Variants in OLFM3 observed in about 807,000 individuals in gnomAD.
OLFM3 encodes the protein noelin-3.
Under a neutral mutation model 48.6 loss-of-function variants are expected in OLFM3, and 20 were observed. The observed-to-expected ratio is 0.41, with a 90% CI of 0.29 to 0.60. The LOEUF is 0.60. OLFM3 is among the 20% of genes least tolerant of loss of function. The pLI is 0.28. For missense variants in OLFM3, 437 were observed against 544.3 expected (o/e 0.80, Z 1.96); for synonymous variants, 222 against 198.1 (o/e 1.12, Z -1.01).
At chr1:101,828,062 C>CTG (rs1243542980) in intron 3 of OLFM3, among the ~76,000 whole-genome samples, 2 of 121,876 alleles carry the variant, frequency 1.6e-5, no homozygotes, top group African/African-American at 3.0e-5. Flanking sequence ...CTCTCTCTCT[C>CTG]TCTGTCTCTC....
intron 1 of OLFM3, among the ~76,000 whole-genome samples, chr1:101,840,124 G>A (rs1053658675): frequency 1.3e-5 from 2 of 152,012 alleles, no homozygotes; most frequent in African/African-American, 4.8e-5. Flanking sequence ...CTAAGATCTC[G>A]GATGGAAGGA....
chr1:101,890,295 A>C (rs1039089877), intron 1 of OLFM3, among the ~76,000 whole-genome samples: 2 of 152,024 alleles, frequency 1.3e-5, no homozygotes, highest in Non-Finnish European at 2.9e-5. Context: ...GAAAAAAGGA[A>C]GATAATCTTT....
intron 3 of OLFM3, 33 bp from the exon 4 acceptor site, chr1:101,825,278 A>G: frequency 1.3e-6 from 2 of 1,533,964 alleles, no homozygotes; most frequent in Non-Finnish European, 1.8e-6. Flanking sequence ...CCTGAGAGTC[A>G]TTTAAAACAG....
At chr1:101,946,267 T>A (rs1322964402) in intron 1 of OLFM3, among the ~76,000 whole-genome samples, 1 of 152,222 alleles carries the variant, frequency 6.6e-6, no homozygotes, top group East Asian at 1.9e-4. Context: ...TCTGCAAATG[T>A]GAATATGTTA....
intron 1 of OLFM3, among the ~76,000 whole-genome samples, chr1:101,895,614 C>T (rs899227392): frequency 6.6e-6 from 1 of 151,982 alleles, no homozygotes; most frequent in Non-Finnish European, 1.5e-5. Context: ...ACCTTTGATC[C>T]ATGTCAAGAT....
intron 1 of OLFM3, among the ~76,000 whole-genome samples, chr1:101,964,151 A>G (rs1557748979): frequency 1.3e-5 from 2 of 152,182 alleles, no homozygotes; most frequent in Admixed American, 6.6e-5. Context: ...GTCTTGAAGC[A>G]GATTGTAGGT....
chr1:101,802,591 T>C lies in OLFM3; in HGVS notation c.*1647A>G, dbSNP rs981212456. The C allele has an allele frequency of 4.0e-5, 6 of 151,698 alleles. No homozygotes were observed. The South Asian group carries it at 6.2e-4, about 16-fold the overall frequency. 9.4% of individuals were successfully genotyped at this position (151,698 alleles called of 1,614,324 possible). A position where few individuals can be genotyped will look rare whatever the true frequency, so the allele number is the denominator to read the frequency against. On this transcript the variant is annotated 3_prime_UTR_variant, in exon 6 of 6. Transcript: ENST00000370103. ...CTTGACAGTTTCAAGATTGGGTTATTTAATTCTACAATTTTGACAGTGAGA... is the reference window on the plus strand; with the variant it reads ...CTTGACAGTTTCAAGATTGGGTTATCTAATTCTACAATTTTGACAGTGAGA...
chr1:101,885,068 C>T (rs1025482456), intron 1 of OLFM3, among the ~76,000 whole-genome samples: 15 of 151,922 alleles, frequency 9.9e-5, no homozygotes, highest in African/African-American at 3.6e-4. Flanking sequence ...ATGAAAGCCA[C>T]GGAAGCCATC....
intron 4 of OLFM3, among the ~76,000 whole-genome samples, chr1:101,809,277 A>G (rs1372059456): frequency 2.0e-5 from 3 of 151,842 alleles, no homozygotes; most frequent in African/African-American, 4.8e-5. Flanking sequence ...CTAAAAAACT[A>G]CTGTGAAATG....
intron 1 of OLFM3, among the ~76,000 whole-genome samples, chr1:101,907,025 TA>T (rs1658576548): frequency 1.3e-5 from 2 of 152,334 alleles, no homozygotes; most frequent in Non-Finnish European, 2.9e-5. Context: ...TTAAAATGTT[TA>T]ATTTTCTAAC....
intron 1 of OLFM3, among the ~76,000 whole-genome samples, chr1:101,932,194 C>A (rs1417964083): frequency 6.6e-6 from 1 of 152,050 alleles, no homozygotes; most frequent in Non-Finnish European, 1.5e-5. Flanking sequence ...CTTTAGTGTT[C>A]CCAAGAACTT....
chr1:101,842,744 C>T (rs1193554943), intron 1 of OLFM3, among the ~76,000 whole-genome samples: 1 of 152,186 alleles, frequency 6.6e-6, no homozygotes, highest in Non-Finnish European at 1.5e-5. Flanking sequence ...AGGCAGCCCC[C>T]TCCACTGAAG....
In OLFM3 at chr1:101,804,699, G is replaced by A. The variant is rs750186784; in HGVS notation, c.916C>T (p.Arg306Ter). 9.9e-6 allele frequency: 16 copies of A among 1,612,442 alleles called. No homozygotes were observed. Among genetic ancestry groups the A allele is most frequent in the Non-Finnish European group, 1.3e-5 (15 of 1,179,132 alleles). ...SFDMGRVLAQ[R>*]SLEYAGFHNV... Reference sequence around the variant, plus strand: ...TGAAAACCAGCATACTCCAGGCTTCGTTGGGCAAGCACTCTCCCCATATCA... The same window carrying A: ...TGAAAACCAGCATACTCCAGGCTTCATTGGGCAAGCACTCTCCCCATATCA... Residue 306 changes from arginine (R) to a stop codon, truncating the protein, a stop_gained, in exon 6 of 6, where the codon CGA (arginine) becomes TGA (stop). Transcript: ENST00000370103. LOFTEE classifies it high-confidence loss of function. The surrounding 1 kb of genome is among the most constrained non-coding windows in gnomAD (Gnocchi z 4.5).
At chr1:101,958,932 T>G (rs1660383995) in intron 1 of OLFM3, among the ~76,000 whole-genome samples, 1 of 151,754 alleles carries the variant, frequency 6.6e-6, no homozygotes, top group African/African-American at 2.4e-5. Flanking sequence ...ATCTAGTTTC[T>G]TAGCAATTTT....
intron 1 of OLFM3, among the ~76,000 whole-genome samples, chr1:101,945,826 T>C (rs1457805627): frequency 3.3e-5 from 5 of 151,290 alleles, no homozygotes; most frequent in Non-Finnish European, 7.4e-5. Flanking sequence ...TGGGATATAA[T>C]TGACAAAACA....
intron 5 of OLFM3, among the ~76,000 whole-genome samples, chr1:101,805,279 T>C (rs1653715028): frequency 6.6e-6 from 1 of 151,782 alleles, no homozygotes; most frequent in Non-Finnish European, 1.5e-5. Context: ...AATACAACCT[T>C]CAGCAAATTA....
chr1:101,909,097 G>A (rs1001385110), intron 1 of OLFM3, among the ~76,000 whole-genome samples: 2 of 152,044 alleles, frequency 1.3e-5, no homozygotes, highest in African/African-American at 4.8e-5. Context: ...TGAATTTCCT[G>A]TCTCCACTCA....
chr1:101,812,578 A>G, intron 4 of OLFM3: 16 of 985,534 alleles, frequency 1.6e-5, no homozygotes, highest in Non-Finnish European at 1.9e-5. Context: ...CATGAGCCTT[A>G]TCTAATCGAC....
At chr1:101,982,566 G>A (rs2101110513) in intron 1 of OLFM3, among the ~76,000 whole-genome samples, 1 of 152,288 alleles carries the variant, frequency 6.6e-6, no homozygotes, top group East Asian at 1.9e-4. Flanking sequence ...TGCTTCCAAA[G>A]GAGATTAAAA....
Sources: allele counts gnomAD v4.1 joint callset (sites outside exome capture counted in the v4.1 genomes callset), GRCh38; gene constraint gnomAD v4.1.1; non-coding constraint Gnocchi (gnomAD v3.1); transcripts MANE v1.5; gene names NCBI Gene and HGNC (gene_info 2026-07-23, HGNC 2026-07-21).